Variants in DAB2IP observed in about 807,000 individuals in gnomAD.
The protein encoded by DAB2IP is disabled homolog 2-interacting protein.
In DAB2IP, 28 loss-of-function variants were observed where a neutral mutation model predicts 107.2. The observed-to-expected ratio is 0.26, with a 90% CI of 0.19 to 0.36. DAB2IP has a LOEUF of 0.36. DAB2IP is among the 10% of genes least tolerant of loss of function. DAB2IP has a pLI of 1.00. For missense variants in DAB2IP, 1,400 were observed against 1,644.7 expected (o/e 0.85, Z 2.57); for synonymous variants, 755 against 706.4 (o/e 1.07, Z -1.09).
intron 1 of DAB2IP, among the ~76,000 whole-genome samples, chr9:121,568,850 C>A (rs1025422567): frequency 6.6e-6 from 1 of 152,236 alleles, no homozygotes; most frequent in African/African-American, 2.4e-5. Flanking sequence ...CTAGTAGCAG[C>A]CTCTGGGCTG....
At chr9:121,681,096 C>T (rs1333576056) in intron 2 of DAB2IP, among the ~76,000 whole-genome samples, 1 of 152,116 alleles carries the variant, frequency 6.6e-6, no homozygotes, top group Non-Finnish European at 1.5e-5. Context: ...CATTGGTTAC[C>T]CCATTTCCCA....
intron 10 of DAB2IP, among the ~76,000 whole-genome samples, chr9:121,770,237 T>C (rs1033581829): frequency 2.0e-5 from 3 of 152,238 alleles, no homozygotes; most frequent in Non-Finnish European, 4.4e-5. Context: ...TGGGATTCCA[T>C]GTGTGCTTTC....
At chr9:121,636,418 G>A (rs545491243) in intron 1 of DAB2IP, among the ~76,000 whole-genome samples, 1 of 152,356 alleles carries the variant, frequency 6.6e-6, no homozygotes, top group African/African-American at 2.4e-5. Flanking sequence ...TAAAGTGGAA[G>A]CAGAAACTTT....
At chr9:121,765,874 C>T (rs1433546573) in intron 8 of DAB2IP, among the ~76,000 whole-genome samples, 3 of 152,212 alleles carry the variant, frequency 2.0e-5, no homozygotes, top group Non-Finnish European at 4.4e-5. Context: ...CACTACCTCC[C>T]TTTCCCTCCC....
At chr9:121,613,731 A>T (rs1325854666) in intron 1 of DAB2IP, among the ~76,000 whole-genome samples, 1 of 152,244 alleles carries the variant, frequency 6.6e-6, no homozygotes, top group African/African-American at 2.4e-5. Flanking sequence ...CTCCCTTTAA[A>T]TACAGAACAA....
At chr9:121,742,046 A>C (rs1051595395) in intron 3 of DAB2IP, among the ~76,000 whole-genome samples, 1 of 152,084 alleles carries the variant, frequency 6.6e-6, no homozygotes, top group Non-Finnish European at 1.5e-5. Flanking sequence ...TCACAGAAAC[A>C]GAGTGAGGGT....
At chr9:121,586,730 G>C (rs1325165213) in intron 1 of DAB2IP, among the ~76,000 whole-genome samples, 1 of 152,008 alleles carries the variant, frequency 6.6e-6, no homozygotes, top group African/African-American at 2.4e-5. Flanking sequence ...TGAGGTGGGA[G>C]GATCGCTTTA....
rs73661758 is a variant in DAB2IP, at chr9:121,578,656, C to T, written c.40+11428C>T. On this transcript the variant is annotated intron_variant, in intron 1 of 16. Coordinates refer to the DAB2IP transcript ENST00000259371. The stretch of plus-strand genomic sequence containing the variant: ...CGACCTCCCTTGCTGGCCCTTTCTC[C>T]GGCCCTGCAACGGGCCCAAGTCTCT... Among the ~76,000 whole-genome samples the T allele has an allele frequency of 2.6e-3, 391 of 149,698 alleles. 3 individuals are homozygous for T. Among genetic ancestry groups the T allele is most frequent in the African/African-American group, 9.0e-3 (366 of 40,720 alleles).
chr9:121,776,115 C>A lies in DAB2IP; in HGVS notation c.3121-83C>A. 6.7e-7 allele frequency: 1 copy of A among 1,494,404 alleles called. No individual in the cohort carries two copies. The highest frequency in any genetic ancestry group is 9.0e-7 in the Non-Finnish European group (1 of 1,109,514). 92.6% of individuals were successfully genotyped at this position (1,494,404 alleles called of 1,614,324 possible). A position where few individuals can be genotyped will look rare whatever the true frequency, so the allele number is the denominator to read the frequency against. ...GGGGCCTTTCAAGTGGGGCTCCCTC[C>A]TACCCTTCCTCCCACTCGGGCTGAC... On this transcript the variant is annotated intron_variant, in intron 13 of 15. Transcript: ENST00000408936. The surrounding 1 kb of genome is among the most constrained non-coding windows in gnomAD (Gnocchi z 5.4).
intron 1 of DAB2IP, among the ~76,000 whole-genome samples, chr9:121,592,856 G>A (rs1830444844): frequency 6.6e-6 from 1 of 152,134 alleles, no homozygotes; most frequent in African/African-American, 2.4e-5. Flanking sequence ...GTCCAGATTG[G>A]AATCCCTGGG....
chr9:121,611,320 G>A (rs1162843838), intron 1 of DAB2IP, among the ~76,000 whole-genome samples: 1 of 152,056 alleles, frequency 6.6e-6, no homozygotes, highest in Non-Finnish European at 1.5e-5. Context: ...TCTGTTGATG[G>A]CCACTGAATC....
chr9:121,608,143 G>C (rs984568137), intron 1 of DAB2IP, among the ~76,000 whole-genome samples: 1 of 152,208 alleles, frequency 6.6e-6, no homozygotes, highest in Non-Finnish European at 1.5e-5. Flanking sequence ...CCTTGAGTTC[G>C]TGTCACACTT....
At chr9:121,621,220 A>C (rs1206721855) in intron 1 of DAB2IP, among the ~76,000 whole-genome samples, 1 of 151,928 alleles carries the variant, frequency 6.6e-6, no homozygotes, top group African/African-American at 2.4e-5. Flanking sequence ...TGTTTTCTCC[A>C]TGCTGCCTCC....
rs1829767278 is a variant in DAB2IP, at chr9:121,701,250, G to C, written c.362+1792G>C. 6.6e-6 allele frequency among the ~76,000 whole-genome samples: 1 copy of C among 152,226 alleles called. No individual in the cohort carries two copies. Among genetic ancestry groups the C allele is most frequent in the Non-Finnish European group, 1.5e-5 (1 of 68,032 alleles). On this transcript the variant is annotated intron_variant, in intron 3 of 15. Transcript: ENST00000408936. This position sits in a 1 kb window ranked among gnomAD's most constrained non-coding sequence, Gnocchi z 4.7. ...CATGTTTACCTCCTTACAGCGGGAA[G>C]CCTGTACCTAGAAGCCGGCAAGTGC...
rs1169023199 is a variant in DAB2IP at position 121,651,826 on chromosome 9, C to T, written c.51C>T (p.Tyr17=). The T allele has an allele frequency of 1.5e-5, 22 of 1,472,540 alleles. No homozygotes were observed. The highest frequency in any genetic ancestry group is 2.9e-5 in the African/African-American group (2 of 69,306). 91.2% of individuals were successfully genotyped at this position (1,472,540 alleles called of 1,614,324 possible). ...AGAGCACCGGGAGGTCCTCCTACTA[C>T]TACCGGCTGCTGAGGCGGCCCCGGC... The change falls in exon 1 of 16, where the codon TAC becomes TAT. Residue 17 remains tyrosine, a synonymous_variant. Transcript: ENST00000408936. This position sits in a 1 kb window ranked among gnomAD's most constrained non-coding sequence, Gnocchi z 5.1.
Position 121,668,196 on chromosome 9 carries a change from A to AT in DAB2IP, c.125-10467dup, listed in dbSNP as rs11314701. On this transcript the variant is annotated intron_variant, in intron 1 of 15. Coordinates refer to ENST00000408936, the Ensembl canonical transcript of DAB2IP. The stretch of plus-strand genomic sequence containing the variant: ...CATATCACCATTTGAGCTGTTGTTG[A>AT]TTTTTTTTTTTTTTTGAGATGGAGT... Among the ~76,000 whole-genome samples, 91 of 142,608 alleles carry AT rather than the reference A, an allele frequency of 6.4e-4. 2 individuals carry two copies. The highest frequency in any genetic ancestry group is 1.3e-3 in the African/African-American group (48 of 38,036). The allele number at this position is 142,608 out of a possible 152,430, so 93.6% of individuals were successfully genotyped here.
At chr9:121,574,613 G>A (rs1349706117) in intron 1 of DAB2IP, among the ~76,000 whole-genome samples, 1 of 152,130 alleles carries the variant, frequency 6.6e-6, no homozygotes, top group Non-Finnish European at 1.5e-5. Context: ...CAGCTCAGAG[G>A]AGAAAATCAA....
intron 1 of DAB2IP, among the ~76,000 whole-genome samples, chr9:121,674,470 C>G (rs2119125009): frequency 6.6e-6 from 1 of 152,248 alleles, no homozygotes; most frequent in East Asian, 1.9e-4. Flanking sequence ...AGCCAGCCGC[C>G]CTGTGCAGGA....
intron 1 of DAB2IP, among the ~76,000 whole-genome samples, chr9:121,663,025 T>C (rs1833270985): frequency 6.6e-6 from 1 of 152,112 alleles, no homozygotes; most frequent in Admixed American, 6.5e-5. Context: ...AAACTCAGGG[T>C]TGAGAGAAGA....
Sources: allele counts gnomAD v4.1 joint callset (sites outside exome capture counted in the v4.1 genomes callset), GRCh38; gene constraint gnomAD v4.1.1; non-coding constraint Gnocchi (gnomAD v3.1); transcripts MANE v1.5; gene names NCBI Gene and HGNC (gene_info 2026-07-23, HGNC 2026-07-21).